The following CAMKMT variants were observed in gnomAD, a reference collection of about 807,000 sequenced individuals.
The protein encoded by CAMKMT is calmodulin-lysine N-methyltransferase.
A neutral mutation model predicts 48.0 loss-of-function variants in CAMKMT; 53 were observed. The ratio of observed to expected loss-of-function variants is 1.10; its 90% confidence interval spans 0.89 to 1.39. CAMKMT has a LOEUF of 1.39. Ranked by LOEUF, CAMKMT falls within the 40% of genes most tolerant of loss-of-function variation. The probability of loss-of-function intolerance (pLI) is 0.00; values close to 1 mark genes in which losing one functional copy is unlikely to be tolerated. For synonymous variants in CAMKMT, 165 were observed against 152.3 expected, an observed-to-expected ratio of 1.08 and a Z score of -0.61; for missense variants, 428 against 402.7, an observed-to-expected ratio of 1.06 and a Z score of -0.54.
intron 1 of CAMKMT, chr2:44,369,705 A>G (rs547567481): frequency 3.3e-5 from 5 of 152,330 alleles, no homozygotes; most frequent in East Asian, 1.9e-4. Context: ...AAAGTATGCC[A>G]TAACTATAGA....
At chr2:44,631,577 T>C (rs901841932) in intron 3 of CAMKMT, 5 of 562,132 alleles carry the variant, frequency 8.9e-6, no homozygotes, top group Non-Finnish European at 1.6e-5. Flanking sequence ...GTGTGATTAG[T>C]AGCATGAGCC....
intron 3 of CAMKMT, among the ~76,000 whole-genome samples, chr2:44,487,625 A>T (rs1669276616): frequency 6.6e-6 from 1 of 152,240 alleles, no homozygotes; most frequent in Admixed American, 6.5e-5. Context: ...AGACAAATGA[A>T]ATTCTTCCTT....
intron 3 of CAMKMT, among the ~76,000 whole-genome samples, chr2:44,398,997 T>A (rs1488469395): frequency 6.6e-6 from 1 of 152,160 alleles, no homozygotes; most frequent in Non-Finnish European, 1.5e-5. Context: ...GTGGGAACAG[T>A]TTGCAGGAAG....
At chr2:44,730,629 C>G (rs1679030695) in intron 7 of CAMKMT, among the ~76,000 whole-genome samples, 1 of 152,170 alleles carries the variant, frequency 6.6e-6, no homozygotes, top group Non-Finnish European at 1.5e-5. Flanking sequence ...GTGTTTAAAA[C>G]ACTTTCTTAG....
At chr2:44,641,832 A>G (rs1253483713) in intron 3 of CAMKMT, among the ~76,000 whole-genome samples, 2 of 152,238 alleles carry the variant, frequency 1.3e-5, no homozygotes, top group Non-Finnish European at 2.9e-5. Flanking sequence ...TGCTGGGATT[A>G]TAGGCGTGAG....
chr2:44,744,994 C>G (rs771782705), intron 8 of CAMKMT, among the ~76,000 whole-genome samples: 17 of 152,186 alleles, frequency 1.1e-4, no homozygotes, highest in Middle Eastern at 3.4e-3. Context: ...AAATAAGGAG[C>G]TAAAACCTCA....
intron 9 of CAMKMT, among the ~76,000 whole-genome samples, chr2:44,762,661 A>C (rs1334852479): frequency 6.6e-6 from 1 of 152,248 alleles, no homozygotes; most frequent in Non-Finnish European, 1.5e-5. Flanking sequence ...TATAATAAAA[A>C]ATAAAATAAA....
intron 7 of CAMKMT, among the ~76,000 whole-genome samples, chr2:44,735,793 A>G (rs916302088): frequency 6.6e-6 from 1 of 151,978 alleles, no homozygotes; most frequent in African/African-American, 2.4e-5. Flanking sequence ...GGTGCCTGTA[A>G]TTCCAGCTAC....
rs112198336 is a variant in CAMKMT at position 44,483,011 on chromosome 2, G to A, written c.376+92706G>A. Among the ~76,000 whole-genome samples the A allele has an allele frequency of 2.2e-3, 329 of 152,218 alleles. No individual in the cohort carries two copies. In the Middle Eastern group the frequency reaches 0.027, roughly 13 times the overall value. On this transcript the variant is annotated intron_variant, in intron 3 of 10. Coordinates refer to ENST00000378494, the MANE Select transcript of CAMKMT (RefSeq NM_024766.5). ...AAAGAATCATGATGCCAATGCTGTGGCTTTGAGTGCTGTCCAATGGAATCA... is the reference window on the plus strand; with the variant it reads ...AAAGAATCATGATGCCAATGCTGTGACTTTGAGTGCTGTCCAATGGAATCA...
At chr2:44,406,350 A>G (rs938395333) in intron 3 of CAMKMT, among the ~76,000 whole-genome samples, 1 of 152,084 alleles carries the variant, frequency 6.6e-6, no homozygotes, top group Non-Finnish European at 1.5e-5. Context: ...GTGCCCTAGT[A>G]AATGTTGAGT....
At chr2:44,490,321 A>G (rs1409219955) in intron 3 of CAMKMT, among the ~76,000 whole-genome samples, 3 of 151,670 alleles carry the variant, frequency 2.0e-5, no homozygotes, top group Admixed American at 6.6e-5. Context: ...CGTTGCCCAG[A>G]CTGGAGTGCA....
At chr2:44,387,015 A>G (rs1350673539) in intron 2 of CAMKMT, among the ~76,000 whole-genome samples, 1 of 152,116 alleles carries the variant, frequency 6.6e-6, no homozygotes, top group Non-Finnish European at 1.5e-5. Context: ...AATGTTCTGT[A>G]TGTATCTGTT....
At chr2:44,515,354 T>C (rs1034396791) in intron 3 of CAMKMT, among the ~76,000 whole-genome samples, 3 of 152,156 alleles carry the variant, frequency 2.0e-5, no homozygotes, top group Non-Finnish European at 2.9e-5. Flanking sequence ...AAGGGACTTG[T>C]AAAACTCAGT....
At chr2:44,698,539 A>AAAAAG (rs2104247435) in intron 3 of CAMKMT, among the ~76,000 whole-genome samples, 1 of 152,346 alleles carries the variant, frequency 6.6e-6, no homozygotes, top group African/African-American at 2.4e-5. Flanking sequence ...CATTATGTCT[A>AAAAAG]AAAAGATGCA....
intron 3 of CAMKMT, among the ~76,000 whole-genome samples, chr2:44,703,638 C>T (rs763069758): frequency 4.6e-5 from 7 of 151,846 alleles, no homozygotes; most frequent in Non-Finnish European, 5.9e-5. Context: ...ATTAGCTGGG[C>T]GTGGTGGTGT....
intron 3 of CAMKMT, among the ~76,000 whole-genome samples, chr2:44,513,067 G>A (rs1670648728): frequency 6.6e-6 from 1 of 152,164 alleles, no homozygotes; most frequent in African/African-American, 2.4e-5. Context: ...ATTCTGATGA[G>A]TGCTTTGGTA....
chr2:44,486,892 C>T (rs1038007217), intron 3 of CAMKMT, among the ~76,000 whole-genome samples: 1 of 152,164 alleles, frequency 6.6e-6, no homozygotes, highest in Non-Finnish European at 1.5e-5. Flanking sequence ...ACATTGTGCC[C>T]AGTACTGAAT....
intron 3 of CAMKMT, among the ~76,000 whole-genome samples, chr2:44,598,220 G>T (rs536232749): frequency 9.2e-5 from 14 of 152,088 alleles, no homozygotes; most frequent in Middle Eastern, 3.4e-3. Flanking sequence ...TGCTAAATTT[G>T]GTTAGTTTAG....
intron 3 of CAMKMT, among the ~76,000 whole-genome samples, chr2:44,470,434 G>A (rs968698893): frequency 6.6e-6 from 1 of 152,162 alleles, no homozygotes; most frequent in African/African-American, 2.4e-5. Context: ...TTCAGTTGCT[G>A]TTCTCAAATT....
Sources: gnomAD v4.1 joint callset for allele counts (sites outside exome capture counted in the v4.1 genomes callset) on GRCh38, gnomAD v4.1.1 for gene constraint, MANE v1.5 for transcripts, NCBI Gene and HGNC (gene_info 2026-07-23, HGNC 2026-07-21) for gene names.